Variants in AATF observed in about 807,000 individuals in gnomAD.
AATF encodes the protein apoptosis antagonizing transcription factor.
Under a neutral mutation model 63.7 loss-of-function variants are expected in AATF, and 48 were observed. The observed-to-expected ratio is 0.75, with a 90% CI of 0.60 to 0.96. The LOEUF (loss-of-function observed/expected upper bound fraction) is 0.96, where lower values mean the gene tolerates loss of function less well. Among genes scored for constraint, AATF ranks in the 40% least tolerant of loss-of-function variants. AATF has a pLI of 0.00. For synonymous variants in AATF, 258 were observed against 247.7 expected (o/e 1.04, Z -0.39); for missense variants, 639 against 685.7 (o/e 0.93, Z 0.76).
chr17:37,035,227 A>AT (rs914610567), intron 11 of AATF, among the ~76,000 whole-genome samples: 10 of 150,562 alleles, frequency 6.6e-5, no homozygotes, highest in African/African-American at 9.7e-5. Flanking sequence ...TCTTTTTATT[A>AT]TTTTTTTTTG....
chr17:36,965,882 C>T (rs2142218120), intron 4 of AATF, among the ~76,000 whole-genome samples: 1 of 151,634 alleles, frequency 6.6e-6, no homozygotes, highest in East Asian at 1.9e-4. Context: ...TTTCTTTTTT[C>T]TTTTTTATAG....
chr17:36,997,420 T>C (rs1164786716), intron 8 of AATF, among the ~76,000 whole-genome samples: 1 of 152,096 alleles, frequency 6.6e-6, no homozygotes, highest in African/African-American at 2.4e-5. Context: ...GCTAAGGACA[T>C]GAATAGAAAA....
At chr17:37,047,092 AAATAAAG>A (rs1197567495) in intron 11 of AATF, among the ~76,000 whole-genome samples, 14 of 152,182 alleles carry the variant, frequency 9.2e-5, no homozygotes, top group African/African-American at 3.4e-4. Flanking sequence ...AAATAAATAA[AAATAAAG>A]AGAAACCCTG....
chr17:37,011,655 T>C (rs2071392015), intron 8 of AATF, among the ~76,000 whole-genome samples: 1 of 152,164 alleles, frequency 6.6e-6, no homozygotes, highest in Non-Finnish European at 1.5e-5. Flanking sequence ...CTAGAGGGGC[T>C]GGCTGAATGT....
intron 4 of AATF, among the ~76,000 whole-genome samples, chr17:36,981,354 G>C (rs557599773): frequency 2.8e-4 from 43 of 152,036 alleles, no homozygotes; most frequent in African/African-American, 9.9e-4. Flanking sequence ...TTCTCTGGGT[G>C]GTTGTTGATT....
At chr17:36,979,852 A>G (rs1241995808) in intron 4 of AATF, among the ~76,000 whole-genome samples, 1 of 152,186 alleles carries the variant, frequency 6.6e-6, no homozygotes, top group Non-Finnish European at 1.5e-5. Flanking sequence ...AATCAGGGAA[A>G]AAAATAAAGC....
chr17:37,045,816 G>A (rs1245094229), intron 11 of AATF: 2 of 152,246 alleles, frequency 1.3e-5, no homozygotes, highest in Admixed American at 1.3e-4. Context: ...ACTAGCTGGT[G>A]AAACGAGTGG....
chr17:37,014,724 A>C (rs1210442930), intron 8 of AATF, among the ~76,000 whole-genome samples: 1 of 152,164 alleles, frequency 6.6e-6, no homozygotes, highest in African/African-American at 2.4e-5. Context: ...GTATTCCTTC[A>C]AACATTTTCT....
Position 37,026,475 on chromosome 17 carries a change from G to A in AATF, c.1548-5139G>A, listed in dbSNP as rs534511857. Reference sequence around the variant, plus strand: ...AGGCACTGCTAATCAGTTTACATGCGGAGGCAGAAAGAGCATAAGCTCTGG... The same window carrying A: ...AGGCACTGCTAATCAGTTTACATGCAGAGGCAGAAAGAGCATAAGCTCTGG... On this transcript the variant is annotated intron_variant, in intron 10 of 11. Coordinates refer to ENST00000619387, the MANE Select transcript of AATF (RefSeq NM_012138.4). Among the ~76,000 whole-genome samples, 24 of 152,308 alleles carry A rather than the reference G, an allele frequency of 1.6e-4. No homozygotes were observed. In the South Asian group the frequency reaches 4.1e-3, roughly 26 times the overall value.
intron 4 of AATF, among the ~76,000 whole-genome samples, chr17:36,971,333 A>G (rs2071037605): frequency 6.6e-6 from 1 of 152,230 alleles, no homozygotes; most frequent in African/African-American, 2.4e-5. Flanking sequence ...CTTAATCATT[A>G]ATGTTTAGCA....
chr17:37,014,233 A>G (rs1221959949), intron 8 of AATF, among the ~76,000 whole-genome samples: 1 of 151,554 alleles, frequency 6.6e-6, no homozygotes, highest in Non-Finnish European at 1.5e-5. Flanking sequence ...GCACCACTGC[A>G]CTCCAGCCTG....
intron 11 of AATF, chr17:37,054,410 A>C (rs1439008586): frequency 6.6e-6 from 1 of 152,218 alleles, no homozygotes; most frequent in Non-Finnish European, 1.5e-5. Flanking sequence ...TGGGTGAGGA[A>C]GATGTAAAAG....
chr17:36,964,164 G>A (rs982510884), intron 4 of AATF, among the ~76,000 whole-genome samples: 1 of 140,332 alleles, frequency 7.1e-6, no homozygotes, highest in African/African-American at 2.7e-5. Context: ...AAAGAGGGGT[G>A]TTTTGCTTTT....
intron 8 of AATF, among the ~76,000 whole-genome samples, chr17:37,001,873 A>G (rs1438408470): frequency 6.6e-6 from 1 of 152,202 alleles, no homozygotes; most frequent in Non-Finnish European, 1.5e-5. Flanking sequence ...ATGAAGTAAA[A>G]CTATCTTTTA....
At chr17:37,006,411 G>T (rs978815012) in intron 8 of AATF, among the ~76,000 whole-genome samples, 2 of 152,122 alleles carry the variant, frequency 1.3e-5, no homozygotes, top group Admixed American at 1.3e-4. Context: ...TGAGATTTCG[G>T]TGAGCTGAGA....
At chr17:36,950,067 T>A (rs2070841030) in intron 1 of AATF, 147 bp from the exon 2 acceptor site, 1 of 854,722 alleles carries the variant, frequency 1.2e-6, no homozygotes, top group Non-Finnish European at 1.9e-6. Context: ...GTGTTCTACT[T>A]TGGGAGAGAG....
chr17:37,052,992 G>A (rs1315437218), intron 11 of AATF, among the ~76,000 whole-genome samples: 1 of 152,176 alleles, frequency 6.6e-6, no homozygotes, highest in Non-Finnish European at 1.5e-5. Flanking sequence ...GATTTTTTGT[G>A]TGTGCTGTAT....
chr17:36,984,088 G>A (rs752007585), intron 4 of AATF, among the ~76,000 whole-genome samples: 1 of 152,222 alleles, frequency 6.6e-6, no homozygotes, highest in Non-Finnish European at 1.5e-5. Flanking sequence ...AGAAGCAGAA[G>A]CAGAAAAGAA....
chr17:36,990,704 A>G (rs2071206783), intron 7 of AATF, 70 bp from the exon 8 acceptor site: 2 of 932,808 alleles, frequency 2.1e-6, no homozygotes, highest in Admixed American at 2.6e-5. Context: ...TCTACATATT[A>G]TTTATAGTAG....
Sources: gnomAD v4.1 joint callset for allele counts (sites outside exome capture counted in the v4.1 genomes callset) on GRCh38, gnomAD v4.1.1 for gene constraint, MANE v1.5 for transcripts, NCBI Gene and HGNC (gene_info 2026-07-23, HGNC 2026-07-21) for gene names.